Variants in GALNTL6 observed in about 807,000 individuals in gnomAD.
GALNTL6 encodes polypeptide N-acetylgalactosaminyltransferase-like 6.
In GALNTL6, 46 loss-of-function variants were observed where a neutral mutation model predicts 73.7. That is an observed-to-expected ratio of 0.62 (90% CI 0.49 to 0.80). The LOEUF (loss-of-function observed/expected upper bound fraction) is 0.80. Among genes scored for constraint, GALNTL6 ranks in the 30% least tolerant of loss-of-function variants. The pLI, the probability that GALNTL6 is intolerant of heterozygous loss-of-function variation, is 0.00. For missense variants in GALNTL6, 604 were observed against 755.0 expected (o/e 0.80, Z 2.34); for synonymous variants, 259 against 263.7 (o/e 0.98, Z 0.17).
intron 2 of GALNTL6, among the ~76,000 whole-genome samples, chr4:171,988,681 G>T (rs867049431): frequency 3.4e-4 from 52 of 152,250 alleles, no homozygotes; most frequent in South Asian, 1.0e-3. Context: ...ATGGGGGAAT[G>T]GTAAGGAGAG....
intron 2 of GALNTL6, among the ~76,000 whole-genome samples, chr4:171,955,611 G>A (rs571366841): frequency 1.1e-4 from 17 of 151,920 alleles, no homozygotes; most frequent in South Asian, 4.2e-4. Context: ...TATGTAAATC[G>A]TTGTTATACT....
intron 5 of GALNTL6, among the ~76,000 whole-genome samples, chr4:172,382,904 T>C (rs1743336636): frequency 6.6e-6 from 1 of 151,954 alleles, no homozygotes; most frequent in Non-Finnish European, 1.5e-5. Context: ...AAGGACTGTT[T>C]TTTCCCCATT....
chr4:171,854,726 T>C (rs139739843), intron 2 of GALNTL6, among the ~76,000 whole-genome samples: 1 of 152,340 alleles, frequency 6.6e-6, no homozygotes, highest in African/African-American at 2.4e-5. Flanking sequence ...CAGAAGGCTA[T>C]CTTCTCACTG....
chr4:172,818,395 T>C (rs1050364098), intron 7 of GALNTL6, among the ~76,000 whole-genome samples: 1 of 152,190 alleles, frequency 6.6e-6, no homozygotes, highest in East Asian at 1.9e-4. Context: ...GAAATTATTT[T>C]TGCACTGCCA....
intron 2 of GALNTL6, among the ~76,000 whole-genome samples, chr4:172,171,728 T>TGTGGGAGGCTGAG (rs369246660): frequency 0.064 from 9,638 of 150,664 alleles, 497 homozygotes; most frequent in African/African-American, 0.15. Flanking sequence ...GTCCCAGCTA[T>TGTGGGAGGCTGAG]GTGGGAGGAT....
At chr4:172,222,179 A>G (rs1736699173) in intron 2 of GALNTL6, among the ~76,000 whole-genome samples, 1 of 151,958 alleles carries the variant, frequency 6.6e-6, no homozygotes, top group Non-Finnish European at 1.5e-5. Context: ...AAAAAATCAT[A>G]AAATGAGGGT....
In GALNTL6 at chr4:172,728,174, G is replaced by A. The variant is rs547489740; in HGVS notation, c.554-81187G>A. On this transcript the variant is annotated intron_variant, in intron 5 of 12. Transcript: ENST00000506823. ...GCCTCCCAAAGTGCTGGGATTACAG[G>A]CGTCAGCCACCAAGCCCGGCCCAAT... Among the ~76,000 whole-genome samples, 4 of 152,208 alleles carry A rather than the reference G, an allele frequency of 2.6e-5. No homozygotes were observed. The South Asian group carries it at 8.3e-4, about 32-fold the overall frequency.
chr4:172,298,958 G>C, intron 3 of GALNTL6, among the ~76,000 whole-genome samples: 1 of 152,160 alleles, frequency 6.6e-6, no homozygotes, highest in East Asian at 1.9e-4. Flanking sequence ...GCTCCTCCTT[G>C]TATCTCTGGT....
chr4:172,658,374 G>A (rs1314520158), intron 5 of GALNTL6, among the ~76,000 whole-genome samples: 12 of 150,302 alleles, frequency 8.0e-5, no homozygotes, highest in African/African-American at 2.9e-4. Context: ...GGCTGAGGCA[G>A]GAGAATGGCG....
chr4:172,033,527 C>A (rs1741834309), intron 2 of GALNTL6, among the ~76,000 whole-genome samples: 1 of 151,898 alleles, frequency 6.6e-6, no homozygotes, highest in Middle Eastern at 3.2e-3. Flanking sequence ...CCATTGCTTC[C>A]CAGGAAAACT....
intron 2 of GALNTL6, among the ~76,000 whole-genome samples, chr4:171,965,970 C>T (rs1362344002): frequency 6.6e-6 from 1 of 152,150 alleles, no homozygotes; most frequent in Non-Finnish European, 1.5e-5. Context: ...CTATTGTAAG[C>T]TTGCTTTTAA....
chr4:172,201,975 T>C (rs1410095177), intron 2 of GALNTL6, among the ~76,000 whole-genome samples: 3 of 152,150 alleles, frequency 2.0e-5, no homozygotes, highest in Non-Finnish European at 4.4e-5. Flanking sequence ...GCTCTGCTTC[T>C]TGATGCCTTG....
intron 8 of GALNTL6, among the ~76,000 whole-genome samples, chr4:172,920,789 C>T (rs904187895): frequency 6.6e-6 from 1 of 152,134 alleles, no homozygotes; most frequent in African/African-American, 2.4e-5. Flanking sequence ...CTGGAATTAA[C>T]CTGACTTTAT....
intron 5 of GALNTL6, among the ~76,000 whole-genome samples, chr4:172,380,766 G>T (rs10032687): frequency 0.94 from 142,727 of 152,270 alleles, 67,533 homozygotes; most frequent in East Asian, 1. Flanking sequence ...ATATTCAATT[G>T]TTTTGTTTTG....
intron 7 of GALNTL6, among the ~76,000 whole-genome samples, chr4:172,816,450 T>A (rs558376959): frequency 6.6e-6 from 1 of 152,300 alleles, no homozygotes; most frequent in East Asian, 1.9e-4. Flanking sequence ...TTGGATTGAA[T>A]TCAATTGAAA....
Position 172,808,766 on chromosome 4 carries a change from G to A in GALNTL6, c.554-595G>A, listed in dbSNP as rs184603857. 2.0e-3 allele frequency among the ~76,000 whole-genome samples: 310 copies of A among 152,232 alleles called. 3 individuals carry two copies. Among genetic ancestry groups the A allele is most frequent in the African/African-American group, 7.3e-3 (303 of 41,542 alleles). The stretch of plus-strand genomic sequence containing the variant: ...AAGAAATATTTCCGAATCTTTAATA[G>A]GTAAGTTCCAAACGACTGTATAGTA... On this transcript the variant is annotated intron_variant, in intron 5 of 12. Coordinates refer to ENST00000506823, the MANE Select transcript of GALNTL6 (RefSeq NM_001034845.3).
At chr4:171,910,191 GT>G (rs147723071) in intron 2 of GALNTL6, among the ~76,000 whole-genome samples, 2,001 of 152,090 alleles carry the variant, frequency 0.013, 48 homozygotes, top group African/African-American at 0.045. Context: ...AAAAACTGTT[GT>G]TAAACCGTTG....
At chr4:172,581,821 A>C (rs1171159430) in intron 5 of GALNTL6, among the ~76,000 whole-genome samples, 1 of 152,178 alleles carries the variant, frequency 6.6e-6, no homozygotes, top group East Asian at 1.9e-4. Context: ...CCTCTCCTGT[A>C]GCCTGAAGAA....
At chr4:172,674,094 G>A (rs1732143636) in intron 5 of GALNTL6, among the ~76,000 whole-genome samples, 1 of 152,158 alleles carries the variant, frequency 6.6e-6, no homozygotes, top group African/African-American at 2.4e-5. Context: ...TTTTGTAGTG[G>A]CTGCTAACAG....
Sources: gnomAD v4.1 joint callset for allele counts (sites outside exome capture counted in the v4.1 genomes callset) on GRCh38, gnomAD v4.1.1 for gene constraint, MANE v1.5 for transcripts, NCBI Gene and HGNC (gene_info 2026-07-23, HGNC 2026-07-21) for gene names.